PI4K2A: variants seen among roughly 807,000 people sequenced by gnomAD.
PI4K2A encodes the protein phosphatidylinositol 4-kinase type 2-alpha.
A neutral mutation model predicts 55.0 loss-of-function variants in PI4K2A; 20 were observed. That is an observed-to-expected ratio of 0.36 (90% confidence interval 0.26 to 0.53). PI4K2A has a LOEUF of 0.53. Among genes scored for constraint, PI4K2A ranks in the 20% least tolerant of loss-of-function variants. The pLI, the probability that PI4K2A is intolerant of heterozygous loss-of-function variation, is 0.91. For synonymous variants in PI4K2A, 235 were observed against 258.5 expected, an observed-to-expected ratio of 0.91 and a Z score of 0.87; for missense variants, 463 against 637.1, an observed-to-expected ratio of 0.73 and a Z score of 2.94.
At position 97,656,330 on chromosome 10, in the gene PI4K2A, C is replaced by T. The variant is rs1392915398; in HGVS notation, c.682C>T (p.Arg228Ter). 4 of 1,613,480 alleles carry T rather than the reference C, an allele frequency of 2.5e-6. No individual in the cohort carries two copies. Among genetic ancestry groups the T allele is most frequent in the Non-Finnish European group, 3.4e-6 (4 of 1,179,464 alleles). ...GACCTTCAACTATAGTGCCATTGAC[C>T]GAGTGAAGTCCAGGGGCAAGCGGCT... is the stretch of plus-strand genomic sequence containing the variant. Residue 228 changes from arginine (R) to a stop codon, truncating the protein, a stop_gained, in exon 3 of 9, where the codon CGA becomes TGA. Coordinates refer to ENST00000370631, the Ensembl canonical transcript of PI4K2A. LOFTEE classifies it high-confidence loss of function. The surrounding 1 kb of genome is among the most constrained non-coding windows in gnomAD (Gnocchi z 4.5).
chr10:97,646,876 G>T (rs1256452508), intron 1 of PI4K2A, among the ~76,000 whole-genome samples: 1 of 152,042 alleles, frequency 6.6e-6, no homozygotes. Context: ...CTGGGTTCAA[G>T]CGATTCTCCC....
At chr10:97,673,049 C>T (rs1481632882) in intron 8 of PI4K2A, among the ~76,000 whole-genome samples, 2 of 151,460 alleles carry the variant, frequency 1.3e-5, no homozygotes, top group African/African-American at 2.4e-5. Flanking sequence ...TGCAGTGGCA[C>T]GATCTCGGCT....
At chr10:97,659,157 C>G (rs1458052252) in intron 4 of PI4K2A, among the ~76,000 whole-genome samples, 1 of 152,164 alleles carries the variant, frequency 6.6e-6, no homozygotes, top group Non-Finnish European at 1.5e-5. Context: ...ACCTCTGCCA[C>G]CCGAGTAGCT....
At chr10:97,673,545 G>A (rs747839471) in intron 8 of PI4K2A, 36 bp from the exon 9 acceptor site, 20 of 1,599,806 alleles carry the variant, frequency 1.3e-5, no homozygotes, top group Non-Finnish European at 1.6e-5. Flanking sequence ...GAATGCTGAG[G>A]CCTCTCCCTC....
In PI4K2A at chr10:97,649,495, A is replaced by T. The variant is rs191780897; in HGVS notation, c.436-1446A>T. Among the ~76,000 whole-genome samples the T allele has an allele frequency of 9.9e-5, 15 of 152,178 alleles. No individual in the cohort carries two copies. In the East Asian group the frequency reaches 2.7e-3, roughly 27 times the overall value. Reference sequence around the variant, plus strand: ...AATTACTTAAGAGAGCTTCATTCTAACCAAGTAGCAGAGTCTTTTTCCTGC... The same window carrying T: ...AATTACTTAAGAGAGCTTCATTCTATCCAAGTAGCAGAGTCTTTTTCCTGC... On this transcript the variant is annotated intron_variant, in intron 1 of 8. Transcript: ENST00000370631.
chr10:97,642,041 C>A (rs1376723419), intron 1 of PI4K2A, among the ~76,000 whole-genome samples: 2 of 152,124 alleles, frequency 1.3e-5, no homozygotes, highest in African/African-American at 4.8e-5. Context: ...TCCCTGTTTT[C>A]AGGGAAGTTT....
chr10:97,673,648 T>G, exon 9 of PI4K2A: 1 of 1,613,924 alleles, frequency 6.2e-7, no homozygotes, highest in Admixed American at 1.7e-5. Flanking sequence ...ATGCCACCTG[T>G]GATTGTCGAG....
chr10:97,655,577 A>C (rs928191417), intron 2 of PI4K2A, among the ~76,000 whole-genome samples: 1 of 151,720 alleles, frequency 6.6e-6, no homozygotes. Flanking sequence ...TTTCTTTTTT[A>C]TCATATTTTT....
chr10:97,675,675 T>C (rs1048674142), exon 9 of PI4K2A: 1 of 152,614 alleles, frequency 6.6e-6, no homozygotes, highest in Non-Finnish European at 1.5e-5. Context: ...ATCTCCACAT[T>C]GTCTTGATCC....
chr10:97,664,750 G>T (rs985286228), intron 5 of PI4K2A, 135 bp from the exon 6 acceptor site: 12 of 627,618 alleles, frequency 1.9e-5, no homozygotes, highest in South Asian at 3.8e-5. Flanking sequence ...ATGGAAGCCA[G>T]TTCAGAGAGT....
chr10:97,641,030 G>C, exon 1 of PI4K2A: 1 of 1,588,160 alleles, frequency 6.3e-7, no homozygotes, highest in Non-Finnish European at 8.5e-7. Flanking sequence ...ACGCCGCTCA[G>C]GCCCACCGCG....
chr10:97,647,796 T>C (rs1052806147), intron 1 of PI4K2A, among the ~76,000 whole-genome samples: 8 of 151,856 alleles, frequency 5.3e-5, no homozygotes, highest in Non-Finnish European at 1.0e-4. Context: ...TAATTACTCA[T>C]GCTTTTGGAG....
At chr10:97,640,701 TGGTGTGGAGCGCGCCG>T (rs2041462006) in exon 1 of PI4K2A, 1 of 1,355,072 alleles carries the variant, frequency 7.4e-7, no homozygotes, top group Admixed American at 2.9e-5. Flanking sequence ...GCGAGCGCAG[TGGTGTGGAGCGCGCCG>T]GGTCCCGGAG....
intron 8 of PI4K2A, among the ~76,000 whole-genome samples, chr10:97,673,060 C>T (rs1452981324): frequency 6.6e-6 from 1 of 151,728 alleles, no homozygotes; most frequent in Non-Finnish European, 1.5e-5. Flanking sequence ...GATCTCGGCT[C>T]ACTGCAACCT....
At chr10:97,658,693 C>T (rs181262699) in intron 4 of PI4K2A, among the ~76,000 whole-genome samples, 2 of 152,324 alleles carry the variant, frequency 1.3e-5, no homozygotes, top group East Asian at 3.9e-4. Flanking sequence ...CTCACCAGCA[C>T]TTACTGTTTT....
chr10:97,656,166 C>A lies in PI4K2A; in HGVS notation c.637-119C>A. The A allele has an allele frequency of 1.2e-6, 1 of 823,364 alleles. No individual in the cohort carries two copies. The allele number at this position is 823,364 out of a possible 1,614,324, so 51.0% of individuals were successfully genotyped here. On this transcript the variant is annotated intron_variant, in intron 2 of 8. Transcript: ENST00000370631. The surrounding 1 kb of genome is among the most constrained non-coding windows in gnomAD (Gnocchi z 4.5). ...TGCTGGGAAGGCTGAGAAATGTATTCTTTCTGTGCCCTGGAAGAGGAATAG... is the reference window on the plus strand; with the variant it reads ...TGCTGGGAAGGCTGAGAAATGTATTATTTCTGTGCCCTGGAAGAGGAATAG...
chr10:97,659,734 C>G (rs1310937075), intron 4 of PI4K2A, among the ~76,000 whole-genome samples: 1 of 152,056 alleles, frequency 6.6e-6, no homozygotes, highest in Non-Finnish European at 1.5e-5. Flanking sequence ...GGATGGGTAG[C>G]TGCTTGTGGG....
At chr10:97,662,534 C>T (rs2041590125) in intron 4 of PI4K2A, among the ~76,000 whole-genome samples, 1 of 152,190 alleles carries the variant, frequency 6.6e-6, no homozygotes, top group African/African-American at 2.4e-5. Flanking sequence ...ACGAGGGTCC[C>T]TTACCCCTGA....
chr10:97,656,114 C>G lies in PI4K2A; in HGVS notation c.637-171C>G, dbSNP rs1010352284. ...TAATTTTGTCATTATTTCATTGGCC[C>G]AAACTAGTTATCTTCCCTCTCCTAG... On this transcript the variant is annotated intron_variant, in intron 2 of 8. Coordinates refer to ENST00000370631, the Ensembl canonical transcript of PI4K2A. This position sits in a 1 kb window ranked among gnomAD's most constrained non-coding sequence, Gnocchi z 4.5. 1.7e-4 allele frequency among the ~76,000 whole-genome samples: 26 copies of G among 152,162 alleles called. No individual in the cohort carries two copies. The highest frequency in any genetic ancestry group is 6.6e-5 in the Admixed American group (1 of 15,266).
Sources: gnomAD v4.1 joint callset for allele counts (sites outside exome capture counted in the v4.1 genomes callset) on GRCh38, gnomAD v4.1.1 for gene constraint, Gnocchi (gnomAD v3.1) non-coding constraint, MANE v1.5 for transcripts, NCBI Gene and HGNC (gene_info 2026-07-23, HGNC 2026-07-21) for gene names.